The following CADM2 variants were observed in gnomAD, a reference collection of about 807,000 sequenced individuals.
The protein encoded by CADM2 is immunoglobulin superfamily member 4D.
Under a neutral mutation model 49.8 loss-of-function variants are expected in CADM2, and 12 were observed. The observed-to-expected ratio is 0.24, with a 90% CI of 0.15 to 0.39. The LOEUF is 0.39. CADM2 is among the 10% of genes least tolerant of loss of function. The pLI is 1.00. For synonymous variants in CADM2, 214 were observed against 175.4 expected (o/e 1.22, Z -1.74); for missense variants, 378 against 492.3 (o/e 0.77, Z 2.20).
chr3:85,768,798 CATATAT>C (rs1460507855), intron 2 of CADM2, among the ~76,000 whole-genome samples: 1 of 107,780 alleles, frequency 9.3e-6, no homozygotes, highest in East Asian at 2.6e-4. Context: ...TATATATACA[CATATAT>C]ACATATATAG....
At chr3:85,658,576 GTATATATATATA>G (rs397990421) in intron 1 of CADM2, among the ~76,000 whole-genome samples, 2,963 of 68,728 alleles carry the variant, frequency 0.043, 97 homozygotes, top group Middle Eastern at 0.08. Flanking sequence ...GGATATATGT[GTATATATATATA>G]TATATATATA....
intron 1 of CADM2, among the ~76,000 whole-genome samples, chr3:85,636,861 T>C (rs2064503627): frequency 1.3e-5 from 2 of 152,208 alleles, no homozygotes; most frequent in South Asian, 4.1e-4. Flanking sequence ...AACCTAGGTA[T>C]ATGGTAGGAC....
At chr3:85,517,760 GTACTTA>G (rs2060938532) in intron 1 of CADM2, among the ~76,000 whole-genome samples, 1 of 152,112 alleles carries the variant, frequency 6.6e-6, no homozygotes, top group Admixed American at 6.5e-5. Flanking sequence ...AGCTTATTTA[GTACTTA>G]TACCCCATTT....
chr3:85,614,752 T>G (rs1237789427), intron 1 of CADM2, among the ~76,000 whole-genome samples: 2 of 151,948 alleles, frequency 1.3e-5, no homozygotes, highest in Non-Finnish European at 2.9e-5. Context: ...GTAAAGACAG[T>G]GTTGACTCTA....
chr3:85,680,162 C>A (rs2107654916), intron 1 of CADM2, among the ~76,000 whole-genome samples: 2 of 151,900 alleles, frequency 1.3e-5, no homozygotes, highest in South Asian at 2.1e-4. Flanking sequence ...CAAATACTCC[C>A]TGAATTTATA....
At chr3:85,499,325 T>G (rs1204511066) in intron 1 of CADM2, among the ~76,000 whole-genome samples, 1 of 152,052 alleles carries the variant, frequency 6.6e-6, no homozygotes, top group Non-Finnish European at 1.5e-5. Context: ...TGACTTTTGG[T>G]TTGTAGTAAA....
intron 1 of CADM2, among the ~76,000 whole-genome samples, chr3:85,281,251 T>A (rs940190747): frequency 1.3e-5 from 2 of 151,922 alleles, no homozygotes; most frequent in Non-Finnish European, 1.5e-5. Flanking sequence ...TAAATCATTG[T>A]GTGTTTGTAT....
Position 85,802,084 on chromosome 3 carries a change from C to G in CADM2, c.126C>G (p.Thr42=). ...AGTTTCCACTAACACAGAATGTAAC[C>G]GTTGTTGAAGGTGGAACTGCAATTT... ...QGQFPLTQNV[T]VVEGGTAILT... is the part of the protein sequence containing the mutation. Residue 42 remains threonine (T), a synonymous_variant, in exon 3 of 10, where the codon ACC becomes ACG. Coordinates refer to ENST00000383699, the MANE Select transcript of CADM2 (RefSeq NM_001167675.2). The G allele has an allele frequency of 6.2e-7, 1 of 1,612,548 alleles. No homozygotes were observed. The highest frequency in any genetic ancestry group is 8.5e-7 in the Non-Finnish European group (1 of 1,179,116).
chr3:84,994,392 T>C (rs1331155335), intron 1 of CADM2, among the ~76,000 whole-genome samples: 1 of 152,214 alleles, frequency 6.6e-6, no homozygotes, highest in Non-Finnish European at 1.5e-5. Context: ...GCTATATTTA[T>C]AGCAAACCTC....
At chr3:85,884,103 TAG>T (rs1185342114) in intron 4 of CADM2, among the ~76,000 whole-genome samples, 1 of 152,206 alleles carries the variant, frequency 6.6e-6, no homozygotes, top group African/African-American at 2.4e-5. Context: ...AATACATTCA[TAG>T]AGATTCCGAG....
chr3:85,647,854 T>C (rs989272429), intron 1 of CADM2, among the ~76,000 whole-genome samples: 16 of 151,804 alleles, frequency 1.1e-4, no homozygotes, highest in African/African-American at 3.9e-4. Flanking sequence ...ACAACAAAAA[T>C]AAAAGAAAGG....
intron 1 of CADM2, among the ~76,000 whole-genome samples, chr3:85,242,031 A>G (rs2042542406): frequency 1.3e-5 from 2 of 150,804 alleles, no homozygotes; most frequent in South Asian, 4.2e-4. Flanking sequence ...CTTATTTCTT[A>G]TAAGATTAAG....
chr3:85,211,278 C>T (rs953647869), intron 1 of CADM2, among the ~76,000 whole-genome samples: 2 of 151,852 alleles, frequency 1.3e-5, no homozygotes, highest in African/African-American at 4.8e-5. Flanking sequence ...TAATTTCTTT[C>T]ATTCCAATTT....
chr3:85,373,033 C>G (rs1033564394), intron 1 of CADM2, among the ~76,000 whole-genome samples: 3 of 152,036 alleles, frequency 2.0e-5, no homozygotes, highest in African/African-American at 7.2e-5. Context: ...TGGCCCCTCC[C>G]AAATCCCATG....
chr3:85,101,576 A>C (rs2038014358), intron 1 of CADM2, among the ~76,000 whole-genome samples: 1 of 152,212 alleles, frequency 6.6e-6, no homozygotes, highest in Non-Finnish European at 1.5e-5. Flanking sequence ...ATCATCAAAC[A>C]TACTGGATAA....
At chr3:84,979,083 C>T (rs1160828289) in intron 1 of CADM2, among the ~76,000 whole-genome samples, 1 of 152,082 alleles carries the variant, frequency 6.6e-6, no homozygotes, top group Non-Finnish European at 1.5e-5. Flanking sequence ...TCCAAGGTCC[C>T]TTTTCAACTT....
At chr3:85,542,096 T>C (rs1455160497) in intron 1 of CADM2, among the ~76,000 whole-genome samples, 1 of 152,020 alleles carries the variant, frequency 6.6e-6, no homozygotes, top group Non-Finnish European at 1.5e-5. Flanking sequence ...TTGCTACTTT[T>C]AAAAATCCTT....
At chr3:85,417,151 T>C (rs1175670716) in intron 1 of CADM2, among the ~76,000 whole-genome samples, 1 of 152,190 alleles carries the variant, frequency 6.6e-6, no homozygotes, top group Non-Finnish European at 1.5e-5. Flanking sequence ...CTTTGGGTTT[T>C]AAATTTTTAA....
chr3:85,077,883 T>C (rs2107491881), intron 1 of CADM2, among the ~76,000 whole-genome samples: 1 of 152,192 alleles, frequency 6.6e-6, no homozygotes, highest in East Asian at 1.9e-4. Flanking sequence ...ATTAACCTAT[T>C]TGATATTACA....
Sources: allele counts gnomAD v4.1 joint callset (sites outside exome capture counted in the v4.1 genomes callset), GRCh38; gene constraint gnomAD v4.1.1; transcripts MANE v1.5; gene names NCBI Gene and HGNC (gene_info 2026-07-23, HGNC 2026-07-21).